The following CHSY3 variants were observed in gnomAD, a reference collection of about 807,000 sequenced individuals.
The protein encoded by CHSY3 is N-acetylgalactosaminyl-proteoglycan 3-beta-glucuronosyltransferase 3.
CHSY3 carries 35 observed loss-of-function variants against 67.2 expected under a neutral mutation model. That is an observed-to-expected ratio of 0.52 (90% confidence interval 0.40 to 0.69). The LOEUF is 0.69. Ranked by LOEUF, CHSY3 falls within the 30% of genes least tolerant of loss-of-function variation. The probability of loss-of-function intolerance (pLI) is 0.00; values close to 1 mark genes in which losing one functional copy is unlikely to be tolerated. For synonymous variants in CHSY3, 474 were observed against 434.7 expected (o/e 1.09, Z -1.12); for missense variants, 1,069 against 1,138.5 (o/e 0.94, Z 0.88).
chr5:129,917,125 T>C (rs1760755252), intron 2 of CHSY3, among the ~76,000 whole-genome samples: 1 of 152,228 alleles, frequency 6.6e-6, no homozygotes, highest in Non-Finnish European at 1.5e-5. Flanking sequence ...AGTTTAGCAC[T>C]AGATTACCTG....
At chr5:130,012,062 C>A (rs1764079114) in intron 2 of CHSY3, among the ~76,000 whole-genome samples, 1 of 152,322 alleles carries the variant, frequency 6.6e-6, no homozygotes, top group Non-Finnish European at 1.5e-5. Flanking sequence ...TTTGTACCAA[C>A]TACCCATGAC....
chr5:130,126,378 G>T (rs1768288357), intron 2 of CHSY3, among the ~76,000 whole-genome samples: 2 of 152,076 alleles, frequency 1.3e-5, no homozygotes, highest in African/African-American at 4.8e-5. Flanking sequence ...TGATGGGCTT[G>T]TGTTTACAGT....
At chr5:130,171,268 A>T (rs183083287) in intron 2 of CHSY3, among the ~76,000 whole-genome samples, 6 of 152,188 alleles carry the variant, frequency 3.9e-5, no homozygotes, top group African/African-American at 1.4e-4. Context: ...TGTGTATGTC[A>T]GGCTAAATCA....
intron 2 of CHSY3, among the ~76,000 whole-genome samples, chr5:129,966,152 G>A (rs1323402647): frequency 6.6e-6 from 1 of 151,912 alleles, no homozygotes; most frequent in African/African-American, 2.4e-5. Flanking sequence ...AGAAGAACAG[G>A]TGTTGAAATG....
At chr5:129,944,659 T>G (rs1212349146) in intron 2 of CHSY3, among the ~76,000 whole-genome samples, 2 of 152,190 alleles carry the variant, frequency 1.3e-5, no homozygotes, top group African/African-American at 4.8e-5. Context: ...TATTTTGAAC[T>G]GTTGACCACA....
intron 2 of CHSY3, among the ~76,000 whole-genome samples, chr5:130,034,198 TAA>T (rs1283238502): frequency 1.5e-4 from 3 of 20,224 alleles, no homozygotes; most frequent in African/African-American, 4.4e-4. Context: ...ATACAGCAGT[TAA>T]GTTTTTCTTT....
At position 130,001,603 on chromosome 5, in the gene CHSY3, T is replaced by G. The variant is rs531370242; in HGVS notation, c.1086+93243T>G. ...AAAGAATAGTACTACATGAGCATTC[T>G]GTGAGAATTTATGTGTTGTTGCTTC... On this transcript the variant is annotated intron_variant, in intron 2 of 2. Coordinates refer to ENST00000305031, the MANE Select transcript of CHSY3 (RefSeq NM_175856.5). 8 of 857,156 alleles carry G rather than the reference T, an allele frequency of 9.3e-6. No individual in the cohort carries two copies. In the African/African-American group the frequency reaches 1.1e-4, roughly 12 times the overall value. 53.1% of individuals were successfully genotyped at this position (857,156 alleles called of 1,614,324 possible).
chr5:129,938,430 C>G (rs1030141168), intron 2 of CHSY3, among the ~76,000 whole-genome samples: 2 of 152,228 alleles, frequency 1.3e-5, no homozygotes, highest in Admixed American at 6.5e-5. Context: ...ATGAGTTTTT[C>G]TTTTGTGCTA....
At chr5:130,103,520 T>A (rs939885146) in intron 2 of CHSY3, among the ~76,000 whole-genome samples, 1 of 151,974 alleles carries the variant, frequency 6.6e-6, no homozygotes, top group African/African-American at 2.4e-5. Context: ...TCCATTCAAG[T>A]TTCATCTTTT....
intron 2 of CHSY3, among the ~76,000 whole-genome samples, chr5:130,108,839 T>G (rs184880187): frequency 2.0e-5 from 3 of 151,824 alleles, no homozygotes; most frequent in Non-Finnish European, 1.5e-5. Flanking sequence ...GGTTTATTAA[T>G]TGAATAACAT....
chr5:130,048,499 C>T lies in CHSY3; in HGVS notation c.1087-135730C>T, dbSNP rs1765223767. 2.0e-5 allele frequency among the ~76,000 whole-genome samples: 3 copies of T among 151,716 alleles called. No individual in the cohort carries two copies. The South Asian group carries it at 6.3e-4, about 32-fold the overall frequency. ...AGGTGCAGCTGTTTTCTTTTTCTGT[C>T]TCCTTAAATCTATGGAGTGCAGCTT... On this transcript the variant is annotated intron_variant, in intron 2 of 2. Coordinates refer to ENST00000305031, the MANE Select transcript of CHSY3 (RefSeq NM_175856.5).
Position 130,032,252 on chromosome 5 carries a change from G to C in CHSY3, c.1086+123892G>C, listed in dbSNP as rs368913897. Among the ~76,000 whole-genome samples the C allele has an allele frequency of 2.6e-5, 4 of 152,188 alleles. No individual in the cohort carries two copies. In the East Asian group the frequency reaches 7.7e-4, roughly 29 times the overall value. ...TTCCCGTCACATATTATAGATGTGA[G>C]ATATCCTTGAACAATAAGGGAATAT... On this transcript the variant is annotated intron_variant, in intron 2 of 2. Transcript: ENST00000305031.
chr5:129,969,816 A>G (rs1251899976), intron 2 of CHSY3, among the ~76,000 whole-genome samples: 1 of 151,934 alleles, frequency 6.6e-6, no homozygotes, highest in Non-Finnish European at 1.5e-5. Context: ...CTTGAGAAAA[A>G]TAGTTTACTT....
At chr5:130,155,661 T>A (rs1434260230) in intron 2 of CHSY3, among the ~76,000 whole-genome samples, 1 of 152,170 alleles carries the variant, frequency 6.6e-6, no homozygotes, top group Non-Finnish European at 1.5e-5. Flanking sequence ...TCAAATAAAA[T>A]GTTTCCAGAT....
At chr5:130,156,863 T>C (rs2149726276) in intron 2 of CHSY3, among the ~76,000 whole-genome samples, 1 of 152,326 alleles carries the variant, frequency 6.6e-6, no homozygotes, top group Non-Finnish European at 1.5e-5. Flanking sequence ...AAAACACTTT[T>C]TATTGAATAT....
chr5:129,917,487 G>A (rs1760767055), intron 2 of CHSY3, among the ~76,000 whole-genome samples: 1 of 152,166 alleles, frequency 6.6e-6, no homozygotes, highest in Non-Finnish European at 1.5e-5. Flanking sequence ...ACAACTACTA[G>A]CTATTTTTGC....
intron 2 of CHSY3, among the ~76,000 whole-genome samples, chr5:130,160,997 C>T (rs557401458): frequency 2.8e-4 from 42 of 151,560 alleles, no homozygotes; most frequent in African/African-American, 4.8e-4. Flanking sequence ...CTCCACCTCC[C>T]GGGTTCAAGC....
At chr5:129,977,710 A>G (rs1431986839) in intron 2 of CHSY3, among the ~76,000 whole-genome samples, 1 of 152,140 alleles carries the variant, frequency 6.6e-6, no homozygotes. Context: ...ATCAAGTTTT[A>G]TCATGGCCAA....
intron 2 of CHSY3, among the ~76,000 whole-genome samples, chr5:129,980,899 C>T (rs1256050566): frequency 6.6e-6 from 1 of 152,134 alleles, no homozygotes; most frequent in Non-Finnish European, 1.5e-5. Flanking sequence ...CTATATTGTA[C>T]TGCCTTTGCT....
Sources: gnomAD v4.1 joint callset for allele counts (sites outside exome capture counted in the v4.1 genomes callset) on GRCh38, gnomAD v4.1.1 for gene constraint, MANE v1.5 for transcripts, NCBI Gene and HGNC (gene_info 2026-07-23, HGNC 2026-07-21) for gene names.